The following QRSL1 variants were observed in gnomAD, a reference collection of about 807,000 sequenced individuals.
QRSL1 encodes glutaminyl-tRNA amidotransferase subunit QRSL1.
Under a neutral mutation model 61.6 loss-of-function variants are expected in QRSL1, and 54 were observed. That is an observed-to-expected ratio of 0.88 (90% CI 0.70 to 1.10). The LOEUF is 1.10. QRSL1 is among the 50% of genes least tolerant of loss of function. The pLI, the probability that QRSL1 is intolerant of heterozygous loss-of-function variation, is 0.00. For synonymous variants in QRSL1, 228 were observed against 225.7 expected (o/e 1.01, Z -0.09); for missense variants, 505 against 622.6 (o/e 0.81, Z 2.01).
chr6:106,662,743 G>A (rs1354154843), intron 9 of QRSL1, among the ~76,000 whole-genome samples: 1 of 152,080 alleles, frequency 6.6e-6, no homozygotes, highest in Non-Finnish European at 1.5e-5. Context: ...TTTAAGCTCT[G>A]CTTCATCCCC....
intron 2 of QRSL1, 30 bp downstream of exon 2, chr6:106,640,538 T>G: frequency 6.7e-7 from 1 of 1,492,536 alleles, no homozygotes; most frequent in South Asian, 1.3e-5. Context: ...ACTTAATTGT[T>G]ATATCTCCAG....
chr6:106,652,301 G>A lies in QRSL1; in HGVS notation c.650G>A (p.Arg217His), dbSNP rs1037765160. 10 of 1,614,016 alleles carry A rather than the reference G, an allele frequency of 6.2e-6. No individual in the cohort carries two copies. The highest frequency in any genetic ancestry group is 4.0e-5 in the African/African-American group (3 of 74,914). The change falls in exon 6 of 11, where the codon CGT becomes CAT. Residue 217 changes from arginine to histidine, a missense_variant. By Grantham distance (29) the Arg-to-His change is conservative (BLOSUM62 0). Coordinates refer to ENST00000369046, the MANE Select transcript of QRSL1 (RefSeq NM_018292.5). ...AAACCAAGCTATGGCTTAGTTTCCC[G>A]TCATGGTCTCATTCCCCTGGTGAAT... is the stretch of plus-strand genomic sequence containing the variant. ...GFKPSYGLVS[R>H]HGLIPLVNSM... is the part of the protein sequence containing the mutation.
intron 9 of QRSL1, among the ~76,000 whole-genome samples, chr6:106,662,384 T>C (rs1777371139): frequency 6.6e-6 from 1 of 152,170 alleles, no homozygotes; most frequent in African/African-American, 2.4e-5. Context: ...GATTGATTAA[T>C]TTATATATAC....
chr6:106,629,633 T>C lies in QRSL1; in HGVS notation c.-49T>C. 1 of 1,576,768 alleles carries C rather than the reference T, an allele frequency of 6.3e-7. No homozygotes were observed. Among genetic ancestry groups the C allele is most frequent in the Non-Finnish European group, 8.6e-7 (1 of 1,161,958 alleles). ...AACATCACTAGCGACCGGTGACCTCTTTTTCCCCCTTGCCTGGCTCCTGTG... is the reference window on the plus strand; with the variant it reads ...AACATCACTAGCGACCGGTGACCTCCTTTTCCCCCTTGCCTGGCTCCTGTG... On this transcript the variant is annotated 5_prime_UTR_variant, in exon 1 of 11. Coordinates refer to ENST00000369046, the MANE Select transcript of QRSL1 (RefSeq NM_018292.5).
intron 8 of QRSL1, among the ~76,000 whole-genome samples, 199 bp from the exon 9 acceptor site, chr6:106,655,416 C>T (rs1337252615): frequency 3.3e-5 from 5 of 149,890 alleles, no homozygotes; most frequent in African/African-American, 4.9e-5. Flanking sequence ...CTCAGGAGGC[C>T]GAGGCAGGAG....
At chr6:106,665,139 A>C (rs954290359) in intron 10 of QRSL1, among the ~76,000 whole-genome samples, 6 of 152,136 alleles carry the variant, frequency 3.9e-5, no homozygotes, top group Admixed American at 6.6e-5. Context: ...AACTGTCCCC[A>C]TTTTAATTTT....
chr6:106,642,221 A>G (rs1183488051), intron 3 of QRSL1, among the ~76,000 whole-genome samples: 1 of 152,048 alleles, frequency 6.6e-6, no homozygotes, highest in African/African-American at 2.4e-5. Flanking sequence ...AGACCCAGCT[A>G]AATTTTATAT....
At chr6:106,654,536 T>G (rs191557101) in intron 7 of QRSL1, among the ~76,000 whole-genome samples, 194 bp from the exon 8 acceptor site, 3 of 152,290 alleles carry the variant, frequency 2.0e-5, no homozygotes, top group African/African-American at 7.2e-5. Flanking sequence ...GTACTGTGCT[T>G]TGTCATACCA....
At chr6:106,658,541 G>A (rs560210197) in intron 9 of QRSL1, among the ~76,000 whole-genome samples, 21 of 151,968 alleles carry the variant, frequency 1.4e-4, no homozygotes, top group Admixed American at 2.0e-4. Flanking sequence ...GCGACAGAGC[G>A]AGAGCCCATC....
intron 4 of QRSL1, among the ~76,000 whole-genome samples, chr6:106,646,590 G>A (rs1049145875): frequency 6.6e-6 from 1 of 151,832 alleles, no homozygotes; most frequent in Non-Finnish European, 1.5e-5. Flanking sequence ...TTGAGCCCAG[G>A]AGTCCTAGAT....
At chr6:106,635,983 T>C (rs72945098) in intron 1 of QRSL1, among the ~76,000 whole-genome samples, 5,950 of 152,260 alleles carry the variant, frequency 0.039, 166 homozygotes, top group Non-Finnish European at 0.06. Context: ...ATGTCTTGCA[T>C]AGAGAATAAT....
At chr6:106,646,603 G>T (rs943387977) in intron 4 of QRSL1, among the ~76,000 whole-genome samples, 1 of 151,752 alleles carries the variant, frequency 6.6e-6, no homozygotes, top group Non-Finnish European at 1.5e-5. Context: ...TCCTAGATCA[G>T]CCTGGGCAAC....
In QRSL1 at chr6:106,643,985, A is replaced by T. The variant is rs895376254; in HGVS notation, c.380+895A>T. ...CTCCCAGCTTCAAGCGATTCTCCTG[A>T]CTCAGCCTCCCAAGTAGCTGGGACT... On this transcript the variant is annotated intron_variant, in intron 4 of 10. Coordinates refer to ENST00000369046, the MANE Select transcript of QRSL1 (RefSeq NM_018292.5). Among the ~76,000 whole-genome samples the T allele has an allele frequency of 4.3e-4, 64 of 149,468 alleles. 1 individual carries two copies. The highest frequency in any genetic ancestry group is 1.5e-3 in the African/African-American group (62 of 40,642).
chr6:106,652,150 A>C, intron 5 of QRSL1, 59 bp from the exon 6 acceptor site: 3 of 1,465,658 alleles, frequency 2.0e-6, no homozygotes, highest in Non-Finnish European at 2.8e-6. Flanking sequence ...GAAAGGGTAG[A>C]TTCCAAATAT....
rs1342853267 is a variant in QRSL1 at position 106,629,663 on chromosome 6, C to A, written c.-19C>A. Reference sequence around the variant, plus strand: ...CCCCCTTGCCTGGCTCCTGTGGTGGCAGGCTGGGCACGAGGACCATGCTGG... The same window carrying A: ...CCCCCTTGCCTGGCTCCTGTGGTGGAAGGCTGGGCACGAGGACCATGCTGG... On this transcript the variant is annotated 5_prime_UTR_variant, in exon 1 of 11. Coordinates refer to ENST00000369046, the MANE Select transcript of QRSL1 (RefSeq NM_018292.5). The A allele has an allele frequency of 6.9e-6, 11 of 1,601,800 alleles. No individual in the cohort carries two copies. The highest frequency in any genetic ancestry group is 9.4e-6 in the Non-Finnish European group (11 of 1,175,016).
At chr6:106,636,836 T>C (rs1419055) in intron 1 of QRSL1, among the ~76,000 whole-genome samples, 86,139 of 152,082 alleles carry the variant, frequency 0.57, 24,787 homozygotes, top group Non-Finnish European at 0.61. Context: ...TTTCCCTTCC[T>C]TTACTTTCTA....
chr6:106,659,669 G>A (rs1181808429), intron 9 of QRSL1, among the ~76,000 whole-genome samples: 8 of 152,060 alleles, frequency 5.3e-5, no homozygotes, highest in Admixed American at 5.2e-4. Context: ...ACAGTGTTGG[G>A]CTTTTTCCCA....
In QRSL1 at chr6:106,646,953, G is replaced by A. The variant is rs569727692; in HGVS notation, c.381-2072G>A. ...TGAGGCAGGAGAATGGCATGAACCCGGGAGGCAGAGGTTGCAGTGAGCCGA... is the reference window on the plus strand; with the variant it reads ...TGAGGCAGGAGAATGGCATGAACCCAGGAGGCAGAGGTTGCAGTGAGCCGA... On this transcript the variant is annotated intron_variant, in intron 4 of 10. Transcript: ENST00000369046. Among the ~76,000 whole-genome samples the A allele has an allele frequency of 5.3e-4, 77 of 145,300 alleles. 1 individual carries two copies. Among genetic ancestry groups the A allele is most frequent in the African/African-American group, 1.6e-3 (64 of 39,742 alleles).
intron 5 of QRSL1, among the ~76,000 whole-genome samples, chr6:106,650,156 GC>G (rs1307348995): frequency 6.6e-6 from 1 of 151,930 alleles, no homozygotes; most frequent in Admixed American, 6.6e-5. Flanking sequence ...AGGATTAGGT[GC>G]TTTTTTTCTG....
Sources: allele counts gnomAD v4.1 joint callset (sites outside exome capture counted in the v4.1 genomes callset), GRCh38; gene constraint gnomAD v4.1.1; transcripts MANE v1.5; gene names NCBI Gene and HGNC (gene_info 2026-07-23, HGNC 2026-07-21).